CAPN2: variants seen among roughly 807,000 people sequenced by gnomAD.
The protein encoded by CAPN2 is calpain-2 catalytic subunit.
CAPN2 carries 92 observed loss-of-function variants against 102.3 expected under a neutral mutation model. The observed-to-expected ratio is 0.90, with a 90% CI of 0.76 to 1.07. The LOEUF (loss-of-function observed/expected upper bound fraction) is 1.07, where lower values mean the gene tolerates loss of function less well. Among genes scored for constraint, CAPN2 ranks in the 50% least tolerant of loss-of-function variants. The pLI is 0.00. For synonymous variants in CAPN2, 340 were observed against 355.4 expected (o/e 0.96, Z 0.49); for missense variants, 800 against 909.4 (o/e 0.88, Z 1.55).
At chr1:223,770,369 C>A in intron 17 of CAPN2, 78 bp from the exon 18 acceptor site, 1 of 901,020 alleles carries the variant, frequency 1.1e-6, no homozygotes, top group Non-Finnish European at 1.8e-6. Context: ...ACTTCATCCC[C>A]ACTCAGCACA....
Position 223,731,560 on chromosome 1 carries a change from G to A in CAPN2, c.308-12540G>A, listed in dbSNP as rs1377871556. Among the ~76,000 whole-genome samples, 7 of 152,234 alleles carry A rather than the reference G, an allele frequency of 4.6e-5. No individual in the cohort carries two copies. The highest frequency in any genetic ancestry group is 9.6e-5 in the African/African-American group (4 of 41,524). On this transcript the variant is annotated intron_variant, in intron 2 of 20. Coordinates refer to ENST00000295006, the MANE Select transcript of CAPN2 (RefSeq NM_001748.5). This position sits in a 1 kb window ranked among gnomAD's most constrained non-coding sequence, Gnocchi z 4.2. ...ACCATCATCCACAACCAGTTTCCAC[G>A]TCTGTCTCCTGCCGGCTGTGAGCTC... is the stretch of plus-strand genomic sequence containing the variant.
rs879543880 is a variant in CAPN2 at position 223,738,964 on chromosome 1, C to T, written c.308-5136C>T. Among the ~76,000 whole-genome samples, 3 of 152,260 alleles carry T rather than the reference C, an allele frequency of 2.0e-5. No individual in the cohort carries two copies. In the East Asian group the frequency reaches 5.8e-4, roughly 29 times the overall value. ...TCTTCTGGCCCCCAGCAGCCATAGG[C>T]CCTGGGCCCCCGGTGAGATACCCAT... On this transcript the variant is annotated intron_variant, in intron 2 of 20. Transcript: ENST00000295006.
At chr1:223,728,339 C>T (rs774798070) in intron 2 of CAPN2, among the ~76,000 whole-genome samples, 3 of 152,110 alleles carry the variant, frequency 2.0e-5, no homozygotes, top group Non-Finnish European at 4.4e-5. Context: ...CAGCAGGGGT[C>T]CAGGGATCTC....
intron 13 of CAPN2, 118 bp downstream of exon 13, chr1:223,761,735 G>C (rs1354099881): frequency 1.2e-6 from 1 of 829,084 alleles, no homozygotes; most frequent in Admixed American, 2.0e-5. Flanking sequence ...TAAGGATAAA[G>C]CCGGGTACTG....
intron 5 of CAPN2, among the ~76,000 whole-genome samples, chr1:223,748,708 C>T (rs751132705): frequency 6.7e-6 from 1 of 149,048 alleles, no homozygotes; most frequent in South Asian, 2.1e-4. Flanking sequence ...CGAGGACCCC[C>T]TCCAGCCCTC....
At chr1:223,772,090 G>A (rs1661492265) in intron 19 of CAPN2, 91 bp from the exon 20 acceptor site, 1 of 1,243,764 alleles carries the variant, frequency 8.0e-7, no homozygotes, top group African/African-American at 1.5e-5. Flanking sequence ...ATGTATGGTG[G>A]TCAGTGAAGT....
intron 2 of CAPN2, among the ~76,000 whole-genome samples, chr1:223,742,383 A>G (rs1402716913): frequency 1.3e-5 from 2 of 151,906 alleles, no homozygotes; most frequent in South Asian, 2.1e-4. Flanking sequence ...CAAGAGCGAG[A>G]CTGTCTCAAA....
Position 223,755,436 on chromosome 1 carries a change from A to C in CAPN2, c.1136-44A>C, listed in dbSNP as rs546559723. The C allele has an allele frequency of 4.6e-5, 74 of 1,608,442 alleles. 1 individual carries two copies. The South Asian group carries it at 8.1e-4, about 18-fold the overall frequency. ...CCAGGGCCACCCCCCACCCCCATGCATTCCTGCTCAGGGCTGGGCTCCTCT... is the reference window on the plus strand; with the variant it reads ...CCAGGGCCACCCCCCACCCCCATGCCTTCCTGCTCAGGGCTGGGCTCCTCT... On this transcript the variant is annotated intron_variant, in intron 9 of 20. Coordinates refer to ENST00000295006, the MANE Select transcript of CAPN2 (RefSeq NM_001748.5). The surrounding 1 kb of genome is among the most constrained non-coding windows in gnomAD (Gnocchi z 4.1).
In CAPN2 at chr1:223,759,513, C is replaced by T. The variant is rs1212216717; in HGVS notation, c.1529+32C>T. The T allele has an allele frequency of 1.9e-6, 3 of 1,577,720 alleles. No individual in the cohort carries two copies. Among genetic ancestry groups the T allele is most frequent in the African/African-American group, 2.7e-5 (2 of 74,180 alleles). ...GGTTTGGTCCCTTCCTCTCCCCACC[C>T]TTCCCTGTCCCTCCCCACTGGTCTG... On this transcript the variant is annotated intron_variant, in intron 12 of 20. Coordinates refer to ENST00000295006, the MANE Select transcript of CAPN2 (RefSeq NM_001748.5). This position sits in a 1 kb window ranked among gnomAD's most constrained non-coding sequence, Gnocchi z 4.6.
In CAPN2 at chr1:223,737,710, G is replaced by C. The variant is rs368741837; in HGVS notation, c.308-6390G>C. On this transcript the variant is annotated intron_variant, in intron 2 of 20. Transcript: ENST00000295006. ...GGCCTGACCAAAAGAGACGGGGCGG[G>C]GGGTGGGGGGGAGAGAATACAATAA... is the stretch of plus-strand genomic sequence containing the variant. Among the ~76,000 whole-genome samples, 182 of 32,032 alleles carry C rather than the reference G, an allele frequency of 5.7e-3. 15 individuals carry two copies. Among genetic ancestry groups the C allele is most frequent in the African/African-American group, 0.011 (141 of 13,256 alleles). The allele number at this position is 32,032 out of a possible 152,430, so 21.0% of individuals were successfully genotyped here.
chr1:223,744,038 AT>A, intron 2 of CAPN2, 61 bp from the exon 3 acceptor site: 1 of 1,177,286 alleles, frequency 8.5e-7, no homozygotes, highest in Non-Finnish European at 1.3e-6. Flanking sequence ...TGGAGACAAG[AT>A]TTTTAACATC....
chr1:223,772,467 T>C (rs1661508105), intron 20 of CAPN2: 3 of 519,174 alleles, frequency 5.8e-6, no homozygotes, highest in Non-Finnish European at 3.4e-6. Flanking sequence ...CCTCTTCTCA[T>C]GAGCTTTGAC....
intron 7 of CAPN2, among the ~76,000 whole-genome samples, chr1:223,751,262 T>C (rs1660885377): frequency 6.6e-6 from 1 of 152,016 alleles, no homozygotes; most frequent in Non-Finnish European, 1.5e-5. Flanking sequence ...AATCCACCCT[T>C]CTATGGGGCT....
In CAPN2 at chr1:223,731,531, C is replaced by T. The variant is rs1571791273; in HGVS notation, c.308-12569C>T. Reference sequence around the variant, plus strand: ...CTGTTCAGACTCAAAGCCTCATGCTCACCACCATCATCCACAACCAGTTTC... The same window carrying T: ...CTGTTCAGACTCAAAGCCTCATGCTTACCACCATCATCCACAACCAGTTTC... On this transcript the variant is annotated intron_variant, in intron 2 of 20. Coordinates refer to ENST00000295006, the MANE Select transcript of CAPN2 (RefSeq NM_001748.5). This position sits in a 1 kb window ranked among gnomAD's most constrained non-coding sequence, Gnocchi z 4.2. Among the ~76,000 whole-genome samples the T allele has an allele frequency of 6.6e-6, 1 of 152,156 alleles. No homozygotes were observed. The highest frequency in any genetic ancestry group is 1.5e-5 in the Non-Finnish European group (1 of 68,036).
Position 223,756,688 on chromosome 1 carries a change from A to G in CAPN2, c.1306-681A>G, listed in dbSNP as rs1661045186. 6.6e-6 allele frequency among the ~76,000 whole-genome samples: 1 copy of G among 152,168 alleles called. No homozygotes were observed. Among genetic ancestry groups the G allele is most frequent in the South Asian group, 2.1e-4 (1 of 4,826 alleles). ...CTTCTACCTGCTCACCCACCTGAGAAAGGCAGCTGGGCAAATACCATCAGT... is the reference window on the plus strand; with the variant it reads ...CTTCTACCTGCTCACCCACCTGAGAGAGGCAGCTGGGCAAATACCATCAGT... On this transcript the variant is annotated intron_variant, in intron 10 of 20. Coordinates refer to ENST00000295006, the MANE Select transcript of CAPN2 (RefSeq NM_001748.5). The surrounding 1 kb of genome is among the most constrained non-coding windows in gnomAD (Gnocchi z 4.1).
At chr1:223,703,445 G>A (rs1429820135) in intron 1 of CAPN2, among the ~76,000 whole-genome samples, 1 of 152,100 alleles carries the variant, frequency 6.6e-6, no homozygotes, top group East Asian at 1.9e-4. Flanking sequence ...CTGAGATGAG[G>A]ATGTGTTCTC....
rs201053061 is a variant in CAPN2, at chr1:223,759,451, G to A, written c.1499G>A (p.Arg500Gln). The part of the protein sequence containing the change: ...EPNKDGDFCI[R>Q]VFSEKKADYQ... The stretch of plus-strand genomic sequence containing the variant: ...AACAAGGATGGGGATTTCTGCATCC[G>A]GGTCTTTTCTGAAAAGAAAGCTGAC... Residue 500 changes from arginine (R) to glutamine (Q), a missense_variant, in exon 12 of 21, where the codon CGG becomes CAG. Transcript: ENST00000295006. The surrounding 1 kb of genome is among the most constrained non-coding windows in gnomAD (Gnocchi z 4.6). 18 of 1,614,086 alleles carry A rather than the reference G, an allele frequency of 1.1e-5. No homozygotes were observed. The highest frequency in any genetic ancestry group is 6.7e-5 in the East Asian group (3 of 44,880).
chr1:223,765,665 CCA>C (rs1170181442), intron 15 of CAPN2, among the ~76,000 whole-genome samples: 2 of 151,534 alleles, frequency 1.3e-5, no homozygotes, highest in Non-Finnish European at 2.9e-5. Flanking sequence ...GGGCTCCACA[CCA>C]GAGTCTGCAT....
chr1:223,745,314 A>G lies in CAPN2; in HGVS notation c.435A>G (p.Gln145=), dbSNP rs146548007. 32 of 1,614,176 alleles carry G rather than the reference A, an allele frequency of 2.0e-5. No homozygotes were observed. In the African/African-American group the frequency reaches 4.1e-4, roughly 21 times the overall value. ...CCTCTCTTGTTCTGCAGTTCTGGCA[A>G]TACGGCGAGTGGGTGGAGGTGGTGG... ...YAGIFHFQFW[Q]YGEWVEVVVD... The change falls in exon 4 of 21, where the codon CAA becomes CAG. Residue 145 remains glutamine, a synonymous_variant. Transcript: ENST00000295006.
Sources: gnomAD v4.1 joint callset for allele counts (sites outside exome capture counted in the v4.1 genomes callset) on GRCh38, gnomAD v4.1.1 for gene constraint, Gnocchi (gnomAD v3.1) non-coding constraint, MANE v1.5 for transcripts, NCBI Gene and HGNC (gene_info 2026-07-23, HGNC 2026-07-21) for gene names.